Variants in RGS7 observed in about 807,000 individuals in gnomAD.
RGS7 encodes regulator of G-protein signaling 7.
In RGS7, 27 loss-of-function variants were observed where a neutral mutation model predicts 81.1. The observed-to-expected ratio is 0.33, with a 90% CI of 0.25 to 0.46. The LOEUF (loss-of-function observed/expected upper bound fraction) is 0.46. RGS7 is among the 20% of genes least tolerant of loss of function. The pLI is 1.00. For synonymous variants in RGS7, 208 were observed against 207.7 expected (o/e 1.00, Z -0.01); for missense variants, 396 against 607.4 (o/e 0.65, Z 3.66).
intron 2 of RGS7, among the ~76,000 whole-genome samples, chr1:241,179,581 T>G (rs2071432710): frequency 6.6e-6 from 1 of 152,168 alleles, no homozygotes; most frequent in Admixed American, 6.5e-5. Context: ...TTACTGCATA[T>G]TTAGTCCCCA....
At chr1:240,818,884 A>G (rs2103131663) in intron 10 of RGS7, among the ~76,000 whole-genome samples, 1 of 152,284 alleles carries the variant, frequency 6.6e-6, no homozygotes. Flanking sequence ...GACTATTGTT[A>G]ATAATAATGT....
intron 18 of RGS7, among the ~76,000 whole-genome samples, chr1:240,796,604 T>C (rs1269113288): frequency 6.6e-6 from 1 of 152,184 alleles, no homozygotes; most frequent in African/African-American, 2.4e-5. Flanking sequence ...GAGAATTGTT[T>C]GAACCATGGA....
At chr1:241,107,395 T>C (rs1269238727) in intron 2 of RGS7, among the ~76,000 whole-genome samples, 1 of 152,190 alleles carries the variant, frequency 6.6e-6, no homozygotes, top group Admixed American at 6.5e-5. Flanking sequence ...CGATTACAGA[T>C]TACAGTATGT....
chr1:241,048,233 A>G lies in RGS7; in HGVS notation c.175+50433T>C, dbSNP rs80307763. Reference sequence around the variant, plus strand: ...TGTTCGTAACCCTGGGACAGGATCAATGATCTGTAAACCAGGCTCAGCCTC... The same window carrying G: ...TGTTCGTAACCCTGGGACAGGATCAGTGATCTGTAAACCAGGCTCAGCCTC... On this transcript the variant is annotated intron_variant, in intron 3 of 18. Coordinates refer to ENST00000440928, the MANE Select transcript of RGS7 (RefSeq NM_001364886.1). Among the ~76,000 whole-genome samples, 55 of 152,326 alleles carry G rather than the reference A, an allele frequency of 3.6e-4. 1 individual carries two copies. The East Asian group carries it at 8.9e-3, about 25-fold the overall frequency.
chr1:240,868,681 T>C lies in RGS7; in HGVS notation c.528-13A>G, dbSNP rs1402287237. ...CTTCTTGTCCACTCTGTCAACACAGTAACAATAGATAACATTTAGTATTAA... is the reference window on the plus strand; with the variant it reads ...CTTCTTGTCCACTCTGTCAACACAGCAACAATAGATAACATTTAGTATTAA... On this transcript the variant is annotated splice_polypyrimidine_tract_variant and intron_variant, in intron 8 of 18. Coordinates refer to ENST00000440928, the MANE Select transcript of RGS7 (RefSeq NM_001364886.1). This position sits in a 1 kb window ranked among gnomAD's most constrained non-coding sequence, Gnocchi z 5.1. The C allele has an allele frequency of 3.7e-6, 6 of 1,612,614 alleles. No individual in the cohort carries two copies. Among genetic ancestry groups the C allele is most frequent in the Non-Finnish European group, 5.1e-6 (6 of 1,178,652 alleles).
intron 3 of RGS7, among the ~76,000 whole-genome samples, chr1:241,002,073 G>A (rs758368227): frequency 7.2e-5 from 11 of 152,126 alleles, no homozygotes; most frequent in Non-Finnish European, 1.2e-4. Context: ...TGAGGTATAT[G>A]AGAGTAAGAG....
At chr1:241,264,085 C>G (rs1022342524) in intron 2 of RGS7, among the ~76,000 whole-genome samples, 2 of 152,222 alleles carry the variant, frequency 1.3e-5, no homozygotes, top group African/African-American at 2.4e-5. Flanking sequence ...GCTCTTAAAA[C>G]CTCATCCAGT....
At chr1:240,883,339 A>T (rs534008102) in intron 6 of RGS7, among the ~76,000 whole-genome samples, 19 of 152,200 alleles carry the variant, frequency 1.2e-4, no homozygotes, top group Middle Eastern at 3.4e-3. Flanking sequence ...ATAATAATAA[A>T]AATTTTTTAA....
At chr1:241,324,496 T>C (rs1485108276) in intron 2 of RGS7, among the ~76,000 whole-genome samples, 1 of 152,240 alleles carries the variant, frequency 6.6e-6, no homozygotes, top group Non-Finnish European at 1.5e-5. Context: ...GAGGGCCTCA[T>C]CATTGAACTT....
rs1003648730 is a variant in RGS7, at chr1:241,194,287, C to T, written c.79-95525G>A. On this transcript the variant is annotated intron_variant, in intron 2 of 18. Transcript: ENST00000440928. ...TTGAGAAAAGACAAAATTTCACATC[C>T]CATATTCTACAGCTTGCTACCTCTG... Among the ~76,000 whole-genome samples, 31 of 152,062 alleles carry T rather than the reference C, an allele frequency of 2.0e-4. 2 individuals carry two copies. Among genetic ancestry groups the T allele is most frequent in the Non-Finnish European group, 7.4e-5 (5 of 68,010 alleles).
In RGS7 at chr1:241,030,742, C is replaced by T. The variant is rs946655400; in HGVS notation, c.176-47613G>A. On this transcript the variant is annotated intron_variant, in intron 3 of 18. Coordinates refer to ENST00000440928, the MANE Select transcript of RGS7 (RefSeq NM_001364886.1). ...AGTGGGTTTCCTGGCTTCCATTCTT[C>T]CTCCTCAAGCTTTTCTCTGTATAGC... Among the ~76,000 whole-genome samples, 3 of 152,118 alleles carry T rather than the reference C, an allele frequency of 2.0e-5. No homozygotes were observed. In the East Asian group the frequency reaches 5.8e-4, roughly 29 times the overall value.
intron 4 of RGS7, among the ~76,000 whole-genome samples, chr1:240,946,992 A>G (rs1034527801): frequency 1.3e-5 from 2 of 152,190 alleles, no homozygotes; most frequent in African/African-American, 4.8e-5. Flanking sequence ...CCTTATAAAT[A>G]TATACAACTA....
intron 4 of RGS7, among the ~76,000 whole-genome samples, chr1:240,957,053 G>T (rs114868459): frequency 0.06 from 9,070 of 152,210 alleles, 293 homozygotes; most frequent in South Asian, 0.094. Context: ...GTTCCTGCGT[G>T]CGTCTGTGAG....
chr1:240,983,017 G>T, intron 4 of RGS7, 62 bp downstream of exon 4: 1 of 931,776 alleles, frequency 1.1e-6, no homozygotes, highest in Non-Finnish European at 1.7e-6. Context: ...TATCCCTGAT[G>T]AAACATATTT....
rs1668338138 is a variant in RGS7, at chr1:240,891,835, T to C, written c.386-21716A>G. ...CCATATATGTTATCTCCTGTGAAGTTCAGGGTAGCTGTGTGAGTTAAAAGA... is the reference window on the plus strand; with the variant it reads ...CCATATATGTTATCTCCTGTGAAGTCCAGGGTAGCTGTGTGAGTTAAAAGA... On this transcript the variant is annotated intron_variant, in intron 6 of 18. Coordinates refer to ENST00000440928, the MANE Select transcript of RGS7 (RefSeq NM_001364886.1). 3.9e-5 allele frequency among the ~76,000 whole-genome samples: 6 copies of C among 152,252 alleles called. No individual in the cohort carries two copies. The South Asian group carries it at 1.2e-3, about 31-fold the overall frequency.
At chr1:240,888,931 C>T (rs1426897932) in intron 6 of RGS7, among the ~76,000 whole-genome samples, 1 of 151,906 alleles carries the variant, frequency 6.6e-6, no homozygotes, top group East Asian at 1.9e-4. Flanking sequence ...CGGTCAAAGG[C>T]CTCAATGAAG....
intron 2 of RGS7, among the ~76,000 whole-genome samples, chr1:241,180,614 T>A (rs1168424457): frequency 6.6e-6 from 1 of 152,196 alleles, no homozygotes; most frequent in Non-Finnish European, 1.5e-5. Flanking sequence ...GGGACAGTGT[T>A]TCCAAACAGA....
At chr1:240,815,260 T>G (rs765281372) in intron 11 of RGS7, among the ~76,000 whole-genome samples, 3 of 152,098 alleles carry the variant, frequency 2.0e-5, no homozygotes, top group Admixed American at 6.5e-5. Context: ...GAGGATCACC[T>G]GGGACTCTGA....
At chr1:240,851,959 T>C (rs898107969) in intron 9 of RGS7, among the ~76,000 whole-genome samples, 1 of 152,216 alleles carries the variant, frequency 6.6e-6, no homozygotes, top group African/African-American at 2.4e-5. Flanking sequence ...GGTGTGAACA[T>C]TGTTGAAATA....
Sources: allele counts gnomAD v4.1 joint callset (sites outside exome capture counted in the v4.1 genomes callset), GRCh38; gene constraint gnomAD v4.1.1; non-coding constraint Gnocchi (gnomAD v3.1); transcripts MANE v1.5; gene names NCBI Gene and HGNC (gene_info 2026-07-23, HGNC 2026-07-21).